Variants in ZEB1 observed in about 807,000 individuals in gnomAD.
ZEB1 encodes zinc finger E-box binding homeobox 1, also known as zinc finger E-box-binding homeobox 1.
ZEB1 carries 21 observed loss-of-function variants against 84.9 expected under a neutral mutation model. The observed-to-expected ratio is 0.25, with a 90% CI of 0.18 to 0.36. ZEB1 has a LOEUF of 0.36. Ranked by LOEUF, ZEB1 falls within the 10% of genes least tolerant of loss-of-function variation. The pLI, the probability that ZEB1 is intolerant of heterozygous loss-of-function variation, is 1.00. For synonymous variants in ZEB1, 420 were observed against 471.1 expected (o/e 0.89, Z 1.41); for missense variants, 1,104 against 1,330.2 (o/e 0.83, Z 2.65).
chr10:31,429,566 A>G (rs1409938479), intron 1 of ZEB1, among the ~76,000 whole-genome samples: 1 of 152,030 alleles, frequency 6.6e-6, no homozygotes, highest in African/African-American at 2.4e-5. Context: ...ATCAGAAGAA[A>G]TAACTAATGG....
chr10:31,477,881 A>G (rs563740091), intron 2 of ZEB1, among the ~76,000 whole-genome samples: 4 of 152,182 alleles, frequency 2.6e-5, no homozygotes, highest in East Asian at 3.9e-4. Context: ...TTAAAGACCC[A>G]TAAATGTAAG....
At chr10:31,460,486 G>C (rs2061686524) in intron 1 of ZEB1, among the ~76,000 whole-genome samples, 1 of 152,094 alleles carries the variant, frequency 6.6e-6, no homozygotes, top group South Asian at 2.1e-4. Flanking sequence ...TGTTAGGAAA[G>C]ATGGCCTCTT....
At chr10:31,454,203 T>C (rs2060924378) in intron 1 of ZEB1, among the ~76,000 whole-genome samples, 1 of 152,128 alleles carries the variant, frequency 6.6e-6, no homozygotes, top group Admixed American at 6.5e-5. Flanking sequence ...TTGATAAAAT[T>C]CAACACCCCT....
At chr10:31,406,832 T>G (rs1464161026) in intron 1 of ZEB1, among the ~76,000 whole-genome samples, 4 of 152,094 alleles carry the variant, frequency 2.6e-5, no homozygotes. Context: ...TTAGGTCTTA[T>G]GTTTAAGTGT....
intron 4 of ZEB1, among the ~76,000 whole-genome samples, chr10:31,507,500 A>G (rs1221489915): frequency 1.3e-5 from 2 of 152,010 alleles, no homozygotes; most frequent in African/African-American, 4.8e-5. Flanking sequence ...AGTTTCTTAT[A>G]TGTCACACAG....
chr10:31,352,980 G>C (rs1487451291), intron 1 of ZEB1, among the ~76,000 whole-genome samples: 1 of 152,210 alleles, frequency 6.6e-6, no homozygotes, highest in African/African-American at 2.4e-5. Flanking sequence ...ACAAGGAAGT[G>C]CAGTTTTTGC....
chr10:31,435,342 T>C (rs2058160331), intron 1 of ZEB1, among the ~76,000 whole-genome samples: 1 of 152,214 alleles, frequency 6.6e-6, no homozygotes. Context: ...GGGCATCTAA[T>C]TGTGAAATAA....
At chr10:31,468,897 C>T (rs1242289998) in intron 2 of ZEB1, among the ~76,000 whole-genome samples, 3 of 152,122 alleles carry the variant, frequency 2.0e-5, no homozygotes, top group Admixed American at 6.5e-5. Context: ...CCCTAAAGGA[C>T]CACATTAGCT....
intron 1 of ZEB1, among the ~76,000 whole-genome samples, chr10:31,349,132 G>C (rs2040854916): frequency 6.6e-6 from 1 of 152,072 alleles, no homozygotes; most frequent in East Asian, 1.9e-4. Context: ...CCATGATTTA[G>C]ACTGTTTTAG....
intron 1 of ZEB1, among the ~76,000 whole-genome samples, chr10:31,447,960 G>A (rs1220280657): frequency 1.3e-5 from 2 of 151,758 alleles, no homozygotes; most frequent in Non-Finnish European, 2.9e-5. Context: ...ATGTTGGCCT[G>A]CCTTGCTAGA....
At chr10:31,360,607 A>G (rs1489253019) in intron 1 of ZEB1, among the ~76,000 whole-genome samples, 1 of 152,266 alleles carries the variant, frequency 6.6e-6, no homozygotes, top group Non-Finnish European at 1.5e-5. Flanking sequence ...TCAGTGGATC[A>G]GATGAATAAA....
chr10:31,362,745 G>A lies in ZEB1; in HGVS notation c.58+43453G>A, dbSNP rs1046902745. 6.8e-6 allele frequency: 4 copies of A among 585,402 alleles called. No individual in the cohort carries two copies. In the African/African-American group the frequency reaches 7.4e-5, roughly 11 times the overall value. The allele number at this position is 585,402 out of a possible 1,614,324, so 36.3% of individuals were successfully genotyped here. A position where few individuals can be genotyped will look rare whatever the true frequency, so the allele number is the denominator to read the frequency against. On this transcript the variant is annotated intron_variant, in intron 1 of 8. Transcript: ENST00000424869. Reference sequence around the variant, plus strand: ...TGGTGCAGGCAGAGATGCTCCTCAGGTCTCAATCTCTTGATCTCCTGATCC... The same window carrying A: ...TGGTGCAGGCAGAGATGCTCCTCAGATCTCAATCTCTTGATCTCCTGATCC...
At chr10:31,327,104 T>TC (rs2035693846) in intron 1 of ZEB1, among the ~76,000 whole-genome samples, 1 of 140,014 alleles carries the variant, frequency 7.1e-6, no homozygotes, top group East Asian at 2.0e-4. Context: ...CTTTTCTTTT[T>TC]TTTTTTTTTT....
chr10:31,342,206 G>C (rs545301016), intron 1 of ZEB1, among the ~76,000 whole-genome samples: 4 of 152,242 alleles, frequency 2.6e-5, no homozygotes, highest in African/African-American at 9.6e-5. Context: ...GAATAAATGA[G>C]AGAATATGAG....
chr10:31,496,067 A>T (rs145529910), intron 3 of ZEB1, among the ~76,000 whole-genome samples: 1 of 152,114 alleles, frequency 6.6e-6, no homozygotes, highest in Non-Finnish European at 1.5e-5. Context: ...TCTCCATTCT[A>T]TAAGAATGAC....
chr10:31,420,439 C>G (rs161257), intron 1 of ZEB1, among the ~76,000 whole-genome samples: 82 of 152,218 alleles, frequency 5.4e-4, no homozygotes, highest in African/African-American at 1.8e-3. Flanking sequence ...GGTTGCTTCT[C>G]TCCACAGGCA....
At chr10:31,414,737 C>G (rs1591021589) in intron 1 of ZEB1, among the ~76,000 whole-genome samples, 2 of 152,238 alleles carry the variant, frequency 1.3e-5, no homozygotes, top group South Asian at 4.1e-4. Context: ...ATAGTGGACA[C>G]TTCATGATAT....
intron 2 of ZEB1, among the ~76,000 whole-genome samples, chr10:31,491,490 C>T (rs1234034525): frequency 6.6e-6 from 1 of 151,848 alleles, no homozygotes. Context: ...TCTCCTAGAG[C>T]CTTCACTGCC....
At chr10:31,430,733 A>G (rs994510660) in intron 1 of ZEB1, among the ~76,000 whole-genome samples, 1 of 152,234 alleles carries the variant, frequency 6.6e-6, no homozygotes, top group African/African-American at 2.4e-5. Flanking sequence ...GAAATAAATC[A>G]GTCTATGGAA....
Sources: gnomAD v4.1 joint callset for allele counts (sites outside exome capture counted in the v4.1 genomes callset) on GRCh38, gnomAD v4.1.1 for gene constraint, MANE v1.5 for transcripts, NCBI Gene and HGNC (gene_info 2026-07-23, HGNC 2026-07-21) for gene names.